Variants in FLYWCH2 observed in about 807,000 individuals in gnomAD.
FLYWCH2 encodes FLYWCH family member 2.
Under a neutral mutation model 6.0 loss-of-function variants are expected in FLYWCH2, and 2 were observed. That is an observed-to-expected ratio of 0.33 (90% CI 0.14 to 1.04). FLYWCH2 has a LOEUF of 1.04. Ranked by LOEUF, FLYWCH2 falls within the 50% of genes least tolerant of loss-of-function variation. The pLI is 0.45. For missense variants in FLYWCH2, 192 were observed against 183.4 expected (o/e 1.05, Z -0.27); for synonymous variants, 87 against 79.3 (o/e 1.10, Z -0.52).
At chr16:2,892,389 G>C (rs984815640) in intron 1 of FLYWCH2, among the ~76,000 whole-genome samples, 1 of 151,934 alleles carries the variant, frequency 6.6e-6, no homozygotes, top group African/African-American at 2.4e-5. Flanking sequence ...CCAGCTACTT[G>C]TGAGTCTGAG....
intron 1 of FLYWCH2, among the ~76,000 whole-genome samples, chr16:2,886,862 G>C (rs1278777246): frequency 1.3e-5 from 2 of 151,962 alleles, no homozygotes; most frequent in Non-Finnish European, 2.9e-5. Context: ...GTTTATTACT[G>C]AGTTGTAATA....
Position 2,899,029 on chromosome 16 carries a change from T to G in FLYWCH2, c.323-20T>G, listed in dbSNP as rs951758838. 9.4e-6 allele frequency: 15 copies of G among 1,601,404 alleles called. No homozygotes were observed. The African/African-American group carries it at 1.8e-4, about 19-fold the overall frequency. ...CCCATCTCCATTGACACCAGCCTGATCCACCCTCTTCTCTCGCAGGCACAG... is the reference window on the plus strand; with the variant it reads ...CCCATCTCCATTGACACCAGCCTGAGCCACCCTCTTCTCTCGCAGGCACAG... On this transcript the variant is annotated intron_variant, in intron 3 of 3. Coordinates refer to ENST00000396958, the MANE Select transcript of FLYWCH2 (RefSeq NM_138439.3).
intron 3 of FLYWCH2, chr16:2,898,767 C>G: frequency 3.1e-6 from 1 of 324,658 alleles, no homozygotes; most frequent in Admixed American, 5.0e-5. Context: ...CCTTCCATCC[C>G]CACCCCAGGT....
At chr16:2,896,259 A>C (rs1464578658) in intron 2 of FLYWCH2, 93 bp from the exon 3 acceptor site, 1 of 661,954 alleles carries the variant, frequency 1.5e-6, no homozygotes, top group Non-Finnish European at 2.5e-6. Context: ...GCGAGCAGTG[A>C]GGCAGCCCCA....
In FLYWCH2 at chr16:2,885,464, C is replaced by T. The variant is rs114843031; in HGVS notation, c.-200+2098C>T. 4.8e-3 allele frequency among the ~76,000 whole-genome samples: 733 copies of T among 152,316 alleles called. 6 individuals are homozygous for T. Among genetic ancestry groups the T allele is most frequent in the African/African-American group, 0.016 (655 of 41,564 alleles). ...CCCACTAGTAGTCAATTCTCATTCT[C>T]CCCTTCCCCACCCCAATCCCGAGAT... On this transcript the variant is annotated intron_variant, in intron 1 of 3. Coordinates refer to ENST00000396958, the MANE Select transcript of FLYWCH2 (RefSeq NM_138439.3).
chr16:2,885,322 A>G (rs1364524099), intron 1 of FLYWCH2, among the ~76,000 whole-genome samples: 1 of 43,346 alleles, frequency 2.3e-5, no homozygotes, highest in East Asian at 3.2e-4. Flanking sequence ...GTCTCAAAAA[A>G]ACAAAACAAA....
intron 1 of FLYWCH2, among the ~76,000 whole-genome samples, chr16:2,889,151 TTGTG>T (rs1323087905): frequency 6.7e-6 from 1 of 150,112 alleles, no homozygotes; most frequent in Non-Finnish European, 1.5e-5. Flanking sequence ...TTGTTGTTGT[TTGTG>T]TGTGTGTATA....
In FLYWCH2 at chr16:2,896,568, C is replaced by A. The variant is rs767281682; in HGVS notation, c.119C>A (p.Ser40Tyr). The A allele has an allele frequency of 2.5e-6, 4 of 1,614,180 alleles. No homozygotes were observed. The highest frequency in any genetic ancestry group is 3.4e-6 in the Non-Finnish European group (4 of 1,180,020). ...PAAPRKPRKF[S>Y]KLVLLTASKD... is the part of the protein sequence containing the mutation. ...GCCCCCAGGAAGCCCAGAAAGTTCTCCAAACTGGTCCTGCTCACAGCCTCC... is the reference window on the plus strand; with the variant it reads ...GCCCCCAGGAAGCCCAGAAAGTTCTACAAACTGGTCCTGCTCACAGCCTCC... The change falls in exon 3 of 4, where the codon TCC (serine) becomes TAC (tyrosine). Residue 40 changes from serine to tyrosine, a missense_variant. Ser to Tyr is a moderately radical substitution (Grantham distance 144). Transcript: ENST00000396958.
intron 3 of FLYWCH2, among the ~76,000 whole-genome samples, chr16:2,898,459 T>C (rs1022279663): frequency 7.9e-5 from 12 of 152,252 alleles, no homozygotes; most frequent in Non-Finnish European, 1.3e-4. Flanking sequence ...AGGAGCGAAG[T>C]CGCCACTCTG....
chr16:2,895,002 G>A (rs1231346444), intron 1 of FLYWCH2, among the ~76,000 whole-genome samples: 1 of 152,138 alleles, frequency 6.6e-6, no homozygotes, highest in Non-Finnish European at 1.5e-5. Flanking sequence ...CCTGGACAGG[G>A]GGCTAGGTGG....
At chr16:2,898,959 G>A in intron 3 of FLYWCH2, 90 bp from the exon 4 acceptor site, 1 of 980,682 alleles carries the variant, frequency 1.0e-6, no homozygotes, top group Non-Finnish European at 1.5e-6. Context: ...ACTGGTTGGG[G>A]TGAGAGTGAG....
rs571931676 is a variant in FLYWCH2, at chr16:2,886,723, G to C, written c.-200+3357G>C. The stretch of plus-strand genomic sequence containing the variant: ...TTTAGTAGAGACAGGGTTTCTCCAT[G>C]TTGGTCAGGCTGGTCTCGAACTCCC... On this transcript the variant is annotated intron_variant, in intron 1 of 3. Coordinates refer to ENST00000396958, the MANE Select transcript of FLYWCH2 (RefSeq NM_138439.3). Among the ~76,000 whole-genome samples, 4 of 151,672 alleles carry C rather than the reference G, an allele frequency of 2.6e-5. 1 individual carries two copies. The highest frequency in any genetic ancestry group is 9.7e-5 in the African/African-American group (4 of 41,222).
chr16:2,890,305 G>A (rs113402747), intron 1 of FLYWCH2, among the ~76,000 whole-genome samples: 20,098 of 151,498 alleles, frequency 0.13, 1,559 homozygotes, highest in Middle Eastern at 0.18. Context: ...CTGGAGTGCA[G>A]TGGTGAGATC....
chr16:2,892,861 A>G (rs2069773463), intron 1 of FLYWCH2, among the ~76,000 whole-genome samples: 1 of 141,272 alleles, frequency 7.1e-6, no homozygotes, highest in African/African-American at 2.6e-5. Context: ...ACTAAAATTT[A>G]TATATATTTT....
At chr16:2,889,539 G>A (rs9935157) in intron 1 of FLYWCH2, among the ~76,000 whole-genome samples, 71,835 of 142,702 alleles carry the variant, frequency 0.5, 17,728 homozygotes, top group Non-Finnish European at 0.57. Context: ...AAAGCACTAG[G>A]AAAGACTATA....
At chr16:2,893,634 CTTT>C (rs35147234) in intron 1 of FLYWCH2, among the ~76,000 whole-genome samples, 22 of 111,908 alleles carry the variant, frequency 2.0e-4, no homozygotes, top group Non-Finnish European at 2.2e-4. Flanking sequence ...TTCTTTTCTT[CTTT>C]TTTTTTTTTT....
At chr16:2,898,999 G>A in intron 3 of FLYWCH2, 50 bp from the exon 4 acceptor site, 1 of 1,486,886 alleles carries the variant, frequency 6.7e-7, no homozygotes, top group Non-Finnish European at 9.2e-7. Flanking sequence ...GCCAAGCTGA[G>A]CCCTCCCATC....
At chr16:2,888,897 G>A (rs1233183766) in intron 1 of FLYWCH2, among the ~76,000 whole-genome samples, 1 of 152,114 alleles carries the variant, frequency 6.6e-6, no homozygotes, top group African/African-American at 2.4e-5. Flanking sequence ...AAGTTAAAAA[G>A]TCATGGAAGC....
At chr16:2,884,499 G>C (rs890663844) in intron 1 of FLYWCH2, among the ~76,000 whole-genome samples, 1 of 138,778 alleles carries the variant, frequency 7.2e-6, no homozygotes, top group Non-Finnish European at 1.5e-5. Flanking sequence ...GAGGCAGGCA[G>C]ATCACAAGGT....
Sources: gnomAD v4.1 joint callset for allele counts (sites outside exome capture counted in the v4.1 genomes callset) on GRCh38, gnomAD v4.1.1 for gene constraint, MANE v1.5 for transcripts, NCBI Gene and HGNC (gene_info 2026-07-23, HGNC 2026-07-21) for gene names.